The following VIT variants were observed in gnomAD, a reference collection of about 807,000 sequenced individuals.
The protein encoded by VIT is vitrin.
Under a neutral mutation model 78.0 loss-of-function variants are expected in VIT, and 99 were observed. That is an observed-to-expected ratio of 1.27 (90% CI 1.08 to 1.50). VIT has a LOEUF of 1.50. Among genes scored for constraint, VIT ranks in the 40% most tolerant of loss-of-function variants. The probability of loss-of-function intolerance (pLI) is 0.00; values close to 1 mark genes in which losing one functional copy is unlikely to be tolerated. For synonymous variants in VIT, 374 were observed against 334.3 expected (o/e 1.12, Z -1.29); for missense variants, 1,126 against 875.3 (o/e 1.29, Z -3.61).
chr2:36,746,486 G>T (rs555226229), intron 4 of VIT, among the ~76,000 whole-genome samples: 2 of 151,972 alleles, frequency 1.3e-5, no homozygotes, highest in East Asian at 3.8e-4. Flanking sequence ...TTCCAAACTT[G>T]TTAGCGGTCT....
intron 6 of VIT, among the ~76,000 whole-genome samples, chr2:36,764,987 G>A (rs1669333351): frequency 6.6e-6 from 1 of 151,906 alleles, no homozygotes; most frequent in Non-Finnish European, 1.5e-5. Context: ...ACCCCAAGCA[G>A]AGTTAAGGCC....
chr2:36,799,188 A>G (rs1409452892), intron 12 of VIT, among the ~76,000 whole-genome samples: 1 of 152,200 alleles, frequency 6.6e-6, no homozygotes, highest in Non-Finnish European at 1.5e-5. Context: ...ATTTTGAGAT[A>G]GAGAGCAGTT....
chr2:36,743,144 G>A lies in VIT; in HGVS notation c.163G>A (p.Asp55Asn), dbSNP rs754130976. ...CGATGTCAAAGCCGGAAAGATCATC[G>A]ATCCTGAGTTCATTGTGAAATGTCC... The part of the protein sequence containing the change: ...NCDVKAGKII[D>N]PEFIVKCPAG... Residue 55 changes from aspartate to asparagine, a missense_variant, in exon 4 of 16, where the codon GAT becomes AAT. Transcript: ENST00000379242. 8.1e-6 allele frequency: 13 copies of A among 1,613,886 alleles called. No individual in the cohort carries two copies. The highest frequency in any genetic ancestry group is 6.7e-5 in the African/African-American group (5 of 74,880).
At chr2:36,781,831 C>T in intron 10 of VIT, 60 bp downstream of exon 10, 1 of 1,591,466 alleles carries the variant, frequency 6.3e-7, no homozygotes, top group South Asian at 1.1e-5. Flanking sequence ...GATAGCAGAA[C>T]TAAGAGTCTA....
intron 15 of VIT, among the ~76,000 whole-genome samples, chr2:36,811,563 T>C (rs1667170812): frequency 6.6e-6 from 1 of 152,228 alleles, no homozygotes; most frequent in Non-Finnish European, 1.5e-5. Context: ...AGTATCCAAG[T>C]CAAGGCTGGG....
In VIT at chr2:36,808,964, G is replaced by A. The variant is rs1397137188; in HGVS notation, c.1882G>A (p.Ala628Thr). The A allele has an allele frequency of 1.9e-6, 3 of 1,591,750 alleles. No homozygotes were observed. Among genetic ancestry groups the A allele is most frequent in the African/African-American group, 2.7e-5 (2 of 74,730 alleles). Residue 628 changes from alanine to threonine, a missense_variant, in exon 15 of 16, where the codon GCC becomes ACC. Physicochemically the swap from Ala to Thr is moderately conservative, Grantham distance 58 (BLOSUM62 0). Coordinates refer to ENST00000379242, the MANE Select transcript of VIT (RefSeq NM_053276.4). ...GTCCTACGACGACGTCCGGATCCCA[G>A]CCATGGCTGCCCATCTGAAGGGTAA... is the stretch of plus-strand genomic sequence containing the variant. ...GRSYDDVRIP[A>T]MAAHLKGVIT...
chr2:36,750,597 C>T (rs919669774), intron 4 of VIT, among the ~76,000 whole-genome samples: 3 of 151,582 alleles, frequency 2.0e-5, no homozygotes, highest in Non-Finnish European at 2.9e-5. Flanking sequence ...CCAAGATGGG[C>T]GTATCACGAG....
intron 1 of VIT, among the ~76,000 whole-genome samples, chr2:36,697,231 T>A (rs912428392): frequency 6.6e-6 from 1 of 152,236 alleles, no homozygotes; most frequent in African/African-American, 2.4e-5. Context: ...TTTAAACCAA[T>A]TTAATTATGG....
At chr2:36,715,676 A>G (rs13403975) in intron 1 of VIT, among the ~76,000 whole-genome samples, 16,703 of 152,242 alleles carry the variant, frequency 0.11, 1,043 homozygotes, top group African/African-American at 0.16. Context: ...GACTTATTCA[A>G]TTGGTCTGGG....
chr2:36,795,282 A>G lies in VIT; in HGVS notation c.1059-6019A>G, dbSNP rs565218890. On this transcript the variant is annotated intron_variant, in intron 12 of 15. Coordinates refer to ENST00000379242, the MANE Select transcript of VIT (RefSeq NM_053276.4). ...TTGGATATGTGTAGAGGTGGGGAAA[A>G]AGAATGGAGTCACCTGATGCACATC... Among the ~76,000 whole-genome samples the G allele has an allele frequency of 1.4e-4, 21 of 152,168 alleles. No individual in the cohort carries two copies. In the East Asian group the frequency reaches 3.5e-3, roughly 25 times the overall value.
intron 15 of VIT, among the ~76,000 whole-genome samples, chr2:36,810,164 G>C (rs1376294378): frequency 6.6e-6 from 1 of 152,088 alleles, no homozygotes; most frequent in Non-Finnish European, 1.5e-5. Context: ...GGAGGCACAC[G>C]CCTGTAATCC....
intron 3 of VIT, among the ~76,000 whole-genome samples, chr2:36,733,573 G>A (rs991849254): frequency 5.1e-5 from 3 of 59,200 alleles, no homozygotes; most frequent in African/African-American, 1.3e-4. Context: ...GAAGAGAGAA[G>A]AGAGAGAACA....
intron 9 of VIT, among the ~76,000 whole-genome samples, chr2:36,781,513 T>G (rs1664751312): frequency 6.6e-6 from 1 of 152,192 alleles, no homozygotes; most frequent in Non-Finnish European, 1.5e-5. Context: ...GAAAAAGAAA[T>G]TGGTAAAGAT....
At chr2:36,759,709 T>C (rs747628893) in intron 6 of VIT, 1 of 972,824 alleles carries the variant, frequency 1.0e-6, no homozygotes, top group Non-Finnish European at 1.2e-6. Context: ...AGAAACTTGA[T>C]AGGCTAGCTA....
At chr2:36,708,916 A>C (rs1481531088) in intron 1 of VIT, among the ~76,000 whole-genome samples, 1 of 152,152 alleles carries the variant, frequency 6.6e-6, no homozygotes, top group Non-Finnish European at 1.5e-5. Context: ...TTGGGAGGCC[A>C]AGGCGGGCAG....
chr2:36,774,730 C>G, intron 8 of VIT: 1 of 985,382 alleles, frequency 1.0e-6, no homozygotes, highest in Non-Finnish European at 1.2e-6. Context: ...AATGAGAACA[C>G]TGGCCAGGGC....
At chr2:36,742,522 C>T (rs1238076455) in intron 3 of VIT, among the ~76,000 whole-genome samples, 1 of 152,100 alleles carries the variant, frequency 6.6e-6, no homozygotes, top group South Asian at 2.1e-4. Context: ...CTTCCCTGTC[C>T]AGAAGTCTTT....
intron 2 of VIT, among the ~76,000 whole-genome samples, chr2:36,729,165 C>T (rs1422574885): frequency 6.6e-6 from 1 of 152,134 alleles, no homozygotes; most frequent in Non-Finnish European, 1.5e-5. Flanking sequence ...AGGCAATAGA[C>T]CATATCATAC....
At chr2:36,793,514 G>T (rs1390808271) in intron 12 of VIT, among the ~76,000 whole-genome samples, 1 of 152,202 alleles carries the variant, frequency 6.6e-6, no homozygotes, top group African/African-American at 2.4e-5. Flanking sequence ...GGAGCAGAAT[G>T]ATTTTCCATC....
Sources: allele counts gnomAD v4.1 joint callset (sites outside exome capture counted in the v4.1 genomes callset), GRCh38; gene constraint gnomAD v4.1.1; transcripts MANE v1.5; gene names NCBI Gene and HGNC (gene_info 2026-07-23, HGNC 2026-07-21).